Variants in EYS observed in about 807,000 individuals in gnomAD.
EYS encodes protein eyes shut homolog.
A neutral mutation model predicts 282.1 loss-of-function variants in EYS; 250 were observed. The ratio of observed to expected loss-of-function variants is 0.89; its 90% confidence interval spans 0.80 to 0.98. The LOEUF is 0.98. Among genes scored for constraint, EYS ranks in the 50% least tolerant of loss-of-function variants. EYS has a pLI of 0.00. For missense variants in EYS, 4,016 were observed against 3,709.0 expected (o/e 1.08, Z -2.15); for synonymous variants, 1,355 against 1,282.9 (o/e 1.06, Z -1.20).
At chr6:64,890,601 A>C (rs1767261028) in intron 18 of EYS, among the ~76,000 whole-genome samples, 1 of 152,108 alleles carries the variant, frequency 6.6e-6, no homozygotes, top group African/African-American at 2.4e-5. Flanking sequence ...CCCATCCTTC[A>C]AATGTATTTA....
chr6:64,956,853 T>C (rs899533619), intron 14 of EYS, among the ~76,000 whole-genome samples: 8 of 152,154 alleles, frequency 5.3e-5, no homozygotes, highest in Non-Finnish European at 1.2e-4. Context: ...CATCACTGAT[T>C]ATCAGAGAAA....
At chr6:65,165,874 G>T (rs1764960192) in intron 12 of EYS, among the ~76,000 whole-genome samples, 1 of 150,944 alleles carries the variant, frequency 6.6e-6, no homozygotes, top group South Asian at 2.1e-4. Flanking sequence ...CCAAGAGTGG[G>T]TTTAGCAGGT....
intron 22 of EYS, among the ~76,000 whole-genome samples, chr6:64,798,005 C>A (rs992805804): frequency 1.3e-5 from 2 of 151,746 alleles, no homozygotes; most frequent in Non-Finnish European, 2.9e-5. Flanking sequence ...GATATATATA[C>A]ATATATTAAA....
chr6:64,516,917 A>G (rs1042722263), intron 26 of EYS, among the ~76,000 whole-genome samples: 21 of 151,916 alleles, frequency 1.4e-4, no homozygotes, highest in Admixed American at 8.5e-4. Flanking sequence ...CTCTATACAA[A>G]ACATATTATA....
At chr6:65,577,600 C>A (rs935094317) in intron 2 of EYS, among the ~76,000 whole-genome samples, 1 of 151,798 alleles carries the variant, frequency 6.6e-6, no homozygotes, top group Non-Finnish European at 1.5e-5. Context: ...TAAAAAGTTT[C>A]TGCACTGCAA....
At chr6:64,495,950 C>T (rs9345172) in intron 26 of EYS, among the ~76,000 whole-genome samples, 62,791 of 151,364 alleles carry the variant, frequency 0.41, 13,561 homozygotes, top group African/African-American at 0.56. Context: ...AAAACACATA[C>T]AAAAGTGCTG....
chr6:64,327,890 C>T (rs1423177468), intron 29 of EYS, among the ~76,000 whole-genome samples: 1 of 152,138 alleles, frequency 6.6e-6, no homozygotes, highest in Non-Finnish European at 1.5e-5. Flanking sequence ...CCTCAGGCAA[C>T]ACCATGCAGA....
At chr6:64,747,685 C>A (rs1583109421) in intron 22 of EYS, among the ~76,000 whole-genome samples, 1 of 152,150 alleles carries the variant, frequency 6.6e-6, no homozygotes, top group Non-Finnish European at 1.5e-5. Context: ...GCCCTAGAAT[C>A]ACTTAATAGC....
chr6:63,944,241 A>G (rs1765324281), intron 35 of EYS, among the ~76,000 whole-genome samples: 1 of 152,180 alleles, frequency 6.6e-6, no homozygotes, highest in Admixed American at 6.5e-5. Flanking sequence ...AGCAAAATAT[A>G]AGGCAGTGCA....
intron 35 of EYS, among the ~76,000 whole-genome samples, chr6:63,941,615 G>T (rs1216138268): frequency 6.6e-6 from 1 of 152,016 alleles, no homozygotes; most frequent in Admixed American, 6.6e-5. Flanking sequence ...TCAGATAAGT[G>T]CCCTATTCTG....
At chr6:65,559,086 G>A (rs994223883) in intron 2 of EYS, among the ~76,000 whole-genome samples, 1 of 152,116 alleles carries the variant, frequency 6.6e-6, no homozygotes, top group Non-Finnish European at 1.5e-5. Context: ...ATAAAAGCAG[G>A]CCAGGTGCAG....
chr6:64,930,946 C>A (rs955483403), intron 15 of EYS, among the ~76,000 whole-genome samples: 69 of 152,196 alleles, frequency 4.5e-4, no homozygotes, highest in African/African-American at 1.5e-3. Context: ...GAAGAAAAAT[C>A]AGAAATAAAG....
Position 65,606,672 on chromosome 6 carries a change from C to T in EYS, c.-333+33106G>A, listed in dbSNP as rs537690292. 2.3e-4 allele frequency among the ~76,000 whole-genome samples: 35 copies of T among 151,810 alleles called. No individual in the cohort carries two copies. In the South Asian group the frequency reaches 7.1e-3, roughly 31 times the overall value. ...TACAACTGGCTTTACAACATCTGAA[C>T]AATTTAATACATTTAAAATTACTTA... On this transcript the variant is annotated intron_variant, in intron 2 of 42. Coordinates refer to ENST00000503581, the MANE Select transcript of EYS (RefSeq NM_001142800.2).
intron 2 of EYS, among the ~76,000 whole-genome samples, chr6:65,628,955 G>A (rs10455188): frequency 0.36 from 54,108 of 152,106 alleles, 12,024 homozygotes; most frequent in Non-Finnish European, 0.49. Flanking sequence ...TTAGGGGTGT[G>A]TAGGGTTGAA....
At chr6:64,893,409 G>A (rs988359932) in intron 18 of EYS, among the ~76,000 whole-genome samples, 56 of 151,928 alleles carry the variant, frequency 3.7e-4, no homozygotes, top group Non-Finnish European at 4.6e-4. Context: ...TTTTTAATAC[G>A]TTTTTTGTTT....
At chr6:65,115,634 A>C (rs1775347794) in intron 12 of EYS, among the ~76,000 whole-genome samples, 1 of 152,114 alleles carries the variant, frequency 6.6e-6, no homozygotes, top group Non-Finnish European at 1.5e-5. Flanking sequence ...AATTAGAAAT[A>C]GTCTATTGAG....
intron 28 of EYS, among the ~76,000 whole-genome samples, chr6:64,407,892 C>T (rs1473363419): frequency 6.6e-6 from 1 of 152,008 alleles, no homozygotes; most frequent in Non-Finnish European, 1.5e-5. Flanking sequence ...CAACCACGCC[C>T]AGCTAATTTT....
intron 13 of EYS, among the ~76,000 whole-genome samples, chr6:65,045,736 T>C (rs1292079364): frequency 6.6e-6 from 1 of 151,856 alleles, no homozygotes; most frequent in Non-Finnish European, 1.5e-5. Flanking sequence ...ATTTAAGATA[T>C]GGACTCTGAA....
At chr6:64,887,077 T>A (rs187080662) in intron 18 of EYS, among the ~76,000 whole-genome samples, 24 of 152,048 alleles carry the variant, frequency 1.6e-4, no homozygotes, top group Non-Finnish European at 2.4e-4. Context: ...AAATAATTAC[T>A]GTAACCTGAT....
Sources: allele counts gnomAD v4.1 joint callset (sites outside exome capture counted in the v4.1 genomes callset), GRCh38; gene constraint gnomAD v4.1.1; transcripts MANE v1.5; gene names NCBI Gene and HGNC (gene_info 2026-07-23, HGNC 2026-07-21).